Variants in CACNA1E observed in about 807,000 individuals in gnomAD.
CACNA1E encodes voltage-dependent R-type calcium channel subunit alpha-1E.
A neutral mutation model predicts 259.2 loss-of-function variants in CACNA1E; 40 were observed. That is an observed-to-expected ratio of 0.15 (90% CI 0.12 to 0.20). The LOEUF (loss-of-function observed/expected upper bound fraction) is 0.20. CACNA1E is among the 10% of genes least tolerant of loss of function. CACNA1E has a pLI of 1.00. For missense variants in CACNA1E, 1,874 were observed against 3,040.1 expected, an observed-to-expected ratio of 0.62 and a Z score of 9.02; for synonymous variants, 1,104 against 1,138.5, an observed-to-expected ratio of 0.97 and a Z score of 0.61.
intron 1 of CACNA1E, among the ~76,000 whole-genome samples, chr1:181,374,135 ATT>A (rs1038450267): frequency 2.6e-5 from 4 of 152,174 alleles, no homozygotes; most frequent in Non-Finnish European, 4.4e-5. Flanking sequence ...TGATGTAGGC[ATT>A]TAGCACTATG....
chr1:181,509,350 C>T (rs1665977216), intron 1 of CACNA1E, among the ~76,000 whole-genome samples: 1 of 152,088 alleles, frequency 6.6e-6, no homozygotes, highest in Non-Finnish European at 1.5e-5. Flanking sequence ...CTGAACTCCA[C>T]GACAGGGTTC....
At chr1:181,367,173 T>C (rs1654335306) in intron 1 of CACNA1E, among the ~76,000 whole-genome samples, 1 of 152,166 alleles carries the variant, frequency 6.6e-6, no homozygotes, top group Non-Finnish European at 1.5e-5. Context: ...GCCTTCTGAT[T>C]TGGGTGCCCT....
upstream of CACNA1E, among the ~76,000 whole-genome samples, chr1:181,482,109 G>C (rs2877651): frequency 4.6e-5 from 7 of 152,192 alleles, no homozygotes; most frequent in African/African-American, 1.7e-4. Context: ...CCTCCTCCAC[G>C]GGGCCTCCCA....
chr1:181,669,793 A>G (rs1648609884), intron 7 of CACNA1E, among the ~76,000 whole-genome samples: 2 of 152,202 alleles, frequency 1.3e-5, no homozygotes, highest in African/African-American at 4.8e-5. Context: ...CCTGAAACCC[A>G]AGTTTAATAT....
At chr1:181,641,474 T>C (rs73059750) in intron 6 of CACNA1E, among the ~76,000 whole-genome samples, 2,240 of 151,936 alleles carry the variant, frequency 0.015, 41 homozygotes, top group African/African-American at 0.047. Flanking sequence ...TTGGAATGTC[T>C]TCCTCTGTTG....
rs1184239585 is a variant in CACNA1E at position 181,585,656 on chromosome 1, CAA to C, written c.951+4882_951+4883del. On this transcript the variant is annotated intron_variant, in intron 6 of 47. Transcript: ENST00000367573. ...CCACATTGAGAAGATGGCATTCGAA[CAA>C]AGACTTGAAGTGGGTGGGTGAGGGA... Among the ~76,000 whole-genome samples, 3 of 152,142 alleles carry C rather than the reference CAA, an allele frequency of 2.0e-5. No homozygotes were observed. The East Asian group carries it at 5.8e-4, about 29-fold the overall frequency.
intron 3 of CACNA1E, among the ~76,000 whole-genome samples, chr1:181,544,292 G>A (rs1384735052): frequency 6.6e-6 from 1 of 152,100 alleles, no homozygotes; most frequent in African/African-American, 2.4e-5. Context: ...CGAAAGGCTG[G>A]TAGAAGTGAG....
At chr1:181,401,744 G>A (rs750603674) in intron 1 of CACNA1E, among the ~76,000 whole-genome samples, 1 of 152,174 alleles carries the variant, frequency 6.6e-6, no homozygotes, top group Non-Finnish European at 1.5e-5. Context: ...GAAACATCAG[G>A]CTAAAATGCT....
At chr1:181,455,521 C>A (rs1661407478) in intron 2 of CACNA1E, among the ~76,000 whole-genome samples, 1 of 152,154 alleles carries the variant, frequency 6.6e-6, no homozygotes, top group Admixed American at 6.5e-5. Flanking sequence ...AAAAAATTCA[C>A]CCAGTTGTTA....
chr1:181,547,178 T>C (rs1647566374), intron 3 of CACNA1E, among the ~76,000 whole-genome samples: 1 of 152,174 alleles, frequency 6.6e-6, no homozygotes. Flanking sequence ...CTGTGGCTTT[T>C]GAAGCCTTCC....
intron 7 of CACNA1E, among the ~76,000 whole-genome samples, chr1:181,658,758 T>C (rs1430944690): frequency 6.6e-6 from 1 of 152,176 alleles, no homozygotes; most frequent in Non-Finnish European, 1.5e-5. Flanking sequence ...TGGGAACAGC[T>C]GATATGAATA....
intron 2 of CACNA1E, among the ~76,000 whole-genome samples, chr1:181,439,458 G>C (rs1342014775): frequency 6.6e-6 from 1 of 151,648 alleles, no homozygotes; most frequent in Non-Finnish European, 1.5e-5. Context: ...ATTGCTCCGA[G>C]TTGCTTGTGG....
In CACNA1E at chr1:181,758,938, A is replaced by G; in HGVS notation, c.4605+70A>G. The G allele has an allele frequency of 1.2e-6, 1 of 863,844 alleles. No homozygotes were observed. The highest frequency in any genetic ancestry group is 2.4e-5 in the East Asian group (1 of 40,972). The allele number at this position is 863,844 out of a possible 1,614,324, so 53.5% of individuals were successfully genotyped here. A position where few individuals can be genotyped will look rare whatever the true frequency, so the allele number is the denominator to read the frequency against. The stretch of plus-strand genomic sequence containing the variant: ...TTGGGTGCCTTCCCAGTCTTTGTTG[A>G]AGGGGAGGTGGTTACTGCTATTCCA... On this transcript the variant is annotated intron_variant, in intron 32 of 47. Coordinates refer to ENST00000367573, the MANE Select transcript of CACNA1E (RefSeq NM_001205293.3). The surrounding 1 kb of genome is among the most constrained non-coding windows in gnomAD (Gnocchi z 4.2).
At chr1:181,696,786 T>C (rs955487047) in intron 7 of CACNA1E, among the ~76,000 whole-genome samples, 8 of 152,260 alleles carry the variant, frequency 5.3e-5, no homozygotes, top group African/African-American at 1.9e-4. Context: ...TTGTAATGTT[T>C]GGATATAAGA....
At chr1:181,693,149 A>AAAC (rs1558273258) in intron 7 of CACNA1E, among the ~76,000 whole-genome samples, 10 of 128,828 alleles carry the variant, frequency 7.8e-5, no homozygotes, top group Non-Finnish European at 1.3e-4. Context: ...AAAAAAAAAA[A>AAAC]ACAACAGATG....
chr1:181,434,559 T>TCAGG (rs752477462), intron 2 of CACNA1E, among the ~76,000 whole-genome samples: 2 of 152,120 alleles, frequency 1.3e-5, no homozygotes, highest in Non-Finnish European at 2.9e-5. Context: ...GCCCTGAGCT[T>TCAGG]CAGGTAGGGT....
At chr1:181,775,934 A>T (rs1460707527) in intron 37 of CACNA1E, among the ~76,000 whole-genome samples, 167 bp from the exon 38 acceptor site, 1 of 152,198 alleles carries the variant, frequency 6.6e-6, no homozygotes, top group African/African-American at 2.4e-5. Flanking sequence ...ACTTGGATCC[A>T]GCTGCTCCGC....
intron 3 of CACNA1E, among the ~76,000 whole-genome samples, chr1:181,537,068 C>G (rs1668221958): frequency 6.7e-6 from 1 of 148,380 alleles, no homozygotes; most frequent in Non-Finnish European, 1.5e-5. Flanking sequence ...CTTCTGAGGG[C>G]TGGGGGCCGT....
chr1:181,500,696 A>C (rs1291793468), intron 1 of CACNA1E, among the ~76,000 whole-genome samples: 3 of 152,322 alleles, frequency 2.0e-5, no homozygotes, highest in African/African-American at 7.2e-5. Context: ...AGCAGCTGTG[A>C]TGTATTTCTC....
Sources: gnomAD v4.1 joint callset for allele counts (sites outside exome capture counted in the v4.1 genomes callset) on GRCh38, gnomAD v4.1.1 for gene constraint, Gnocchi (gnomAD v3.1) non-coding constraint, MANE v1.5 for transcripts, NCBI Gene and HGNC (gene_info 2026-07-23, HGNC 2026-07-21) for gene names.